SLIT3: variants seen among roughly 807,000 people sequenced by gnomAD.
The protein encoded by SLIT3 is slit homolog 3 protein.
Under a neutral mutation model 184.0 loss-of-function variants are expected in SLIT3, and 68 were observed. That is an observed-to-expected ratio of 0.37 (90% CI 0.30 to 0.45). SLIT3 has a LOEUF of 0.45. Among genes scored for constraint, SLIT3 ranks in the 20% least tolerant of loss-of-function variants. The pLI is 1.00. For missense variants in SLIT3, 1,707 were observed against 2,026.0 expected, an observed-to-expected ratio of 0.84 and a Z score of 3.02; for synonymous variants, 831 against 828.6, an observed-to-expected ratio of 1.00 and a Z score of -0.05.
In SLIT3 at chr5:169,184,577, GAC is replaced by G. The variant is rs1299255114; in HGVS notation, c.413+8900_413+8901del. ...TGTTTCTTAAAGTATGCCCCTAAGT[GAC>G]ACACAACAAAATCACCTAGGGTGCC... On this transcript the variant is annotated intron_variant, in intron 4 of 35. Transcript: ENST00000519560. Among the ~76,000 whole-genome samples the G allele has an allele frequency of 3.9e-5, 6 of 152,296 alleles. No individual in the cohort carries two copies. The East Asian group carries it at 1.2e-3, about 29-fold the overall frequency.
chr5:169,101,876 C>G (rs1412499608), intron 4 of SLIT3, among the ~76,000 whole-genome samples: 2 of 152,198 alleles, frequency 1.3e-5, no homozygotes, highest in African/African-American at 4.8e-5. Flanking sequence ...CTTCAAGACT[C>G]AGCTCAAGGA....
chr5:168,864,342 T>C (rs1360751185), intron 5 of SLIT3, among the ~76,000 whole-genome samples: 1 of 152,350 alleles, frequency 6.6e-6, no homozygotes. Context: ...AACCTCATTC[T>C]TTATAACTAC....
intron 30 of SLIT3, 62 bp downstream of exon 30, chr5:168,686,917 C>A: frequency 6.3e-7 from 1 of 1,586,672 alleles, no homozygotes; most frequent in South Asian, 1.1e-5. Context: ...CTTAGCCAGT[C>A]AGCCCCAGCC....
At chr5:168,884,549 G>GATATATATATATGTATATATATATATAT (rs1760106801) in intron 4 of SLIT3, among the ~76,000 whole-genome samples, 1 of 41,138 alleles carries the variant, frequency 2.4e-5, no homozygotes, top group East Asian at 9.1e-4. Flanking sequence ...CCAATTACGA[G>GATATATATATATGTATATATATATATAT]ATATATATAT....
chr5:169,214,347 G>A (rs1434007521), intron 3 of SLIT3, among the ~76,000 whole-genome samples: 1 of 152,204 alleles, frequency 6.6e-6, no homozygotes, highest in Non-Finnish European at 1.5e-5. Flanking sequence ...GTGTGAGGCA[G>A]TAATTATAAC....
intron 30 of SLIT3, 90 bp from the exon 31 acceptor site, chr5:168,686,017 G>C: frequency 7.2e-7 from 1 of 1,390,316 alleles, no homozygotes; most frequent in South Asian, 1.6e-5. Context: ...CTCGAGCAGA[G>C]AGGTAGAGTG....
chr5:168,736,782 G>C (rs1763451357), intron 20 of SLIT3, among the ~76,000 whole-genome samples: 1 of 152,228 alleles, frequency 6.6e-6, no homozygotes, highest in South Asian at 2.1e-4. Flanking sequence ...CAGCAAGCCA[G>C]GCCACTGGGC....
intron 4 of SLIT3, among the ~76,000 whole-genome samples, chr5:169,089,141 T>G (rs1759469104): frequency 6.7e-6 from 1 of 148,520 alleles, no homozygotes; most frequent in Non-Finnish European, 1.5e-5. Flanking sequence ...GCAGCAGCCC[T>G]GTACCGCTAT....
chr5:168,753,056 G>A lies in SLIT3; in HGVS notation c.1872C>T (p.Thr624=), dbSNP rs1387575199. 2 of 1,614,148 alleles carry A rather than the reference G, an allele frequency of 1.2e-6. No individual in the cohort carries two copies. The highest frequency in any genetic ancestry group is 8.5e-7 in the Non-Finnish European group (1 of 1,180,016). Reference sequence around the variant, plus strand: ...GTCTCACCGAACTCAGGCCGGCAAAGGTGTCATTACTCACACAGCCGATCA... The same window carrying A: ...GTCTCACCGAACTCAGGCCGGCAAAAGTGTCATTACTCACACAGCCGATCA... The part of the protein sequence containing the change: ...SNLIGCVSND[T]FAGLSSVRLL... The change falls in exon 18 of 36, where the codon ACC becomes ACT. Residue 624 remains threonine (T), a synonymous_variant. Transcript: ENST00000519560.
intron 4 of SLIT3, among the ~76,000 whole-genome samples, chr5:169,007,311 C>T (rs1267618133): frequency 6.6e-6 from 1 of 152,186 alleles, no homozygotes; most frequent in African/African-American, 2.4e-5. Flanking sequence ...CAGACTAATA[C>T]AACCTGTATA....
At chr5:169,191,660 C>T (rs1763555145) in intron 4 of SLIT3, among the ~76,000 whole-genome samples, 1 of 152,172 alleles carries the variant, frequency 6.6e-6, no homozygotes, top group African/African-American at 2.4e-5. Flanking sequence ...CTCTCTCAAG[C>T]TCTCAGGACG....
intron 4 of SLIT3, among the ~76,000 whole-genome samples, chr5:169,177,647 G>A (rs112018305): frequency 2.0e-5 from 3 of 152,144 alleles, no homozygotes; most frequent in African/African-American, 7.2e-5. Flanking sequence ...AAATACAAAG[G>A]CTCCTTATAA....
At chr5:168,690,042 A>T (rs115405687) in intron 29 of SLIT3, among the ~76,000 whole-genome samples, 1 of 152,162 alleles carries the variant, frequency 6.6e-6, no homozygotes, top group African/African-American at 2.4e-5. Flanking sequence ...GTTTCTAGGA[A>T]TAAGTTCTGG....
At chr5:169,021,403 T>C (rs1212922883) in intron 4 of SLIT3, among the ~76,000 whole-genome samples, 2 of 152,014 alleles carry the variant, frequency 1.3e-5, no homozygotes, top group Non-Finnish European at 2.9e-5. Flanking sequence ...CAGGCTGGAG[T>C]GCAGTGATAT....
intron 4 of SLIT3, among the ~76,000 whole-genome samples, chr5:168,996,643 T>C (rs1386534779): frequency 6.6e-6 from 1 of 152,184 alleles, no homozygotes; most frequent in East Asian, 1.9e-4. Context: ...CTTGTAGACA[T>C]TTCACTGATG....
intron 5 of SLIT3, among the ~76,000 whole-genome samples, chr5:168,866,604 C>T (rs1036665803): frequency 1.3e-5 from 2 of 152,086 alleles, no homozygotes; most frequent in Non-Finnish European, 2.9e-5. Context: ...TATTCTCAGG[C>T]CTCTTCACTC....
chr5:169,128,075 A>T (rs1761148888), intron 4 of SLIT3, among the ~76,000 whole-genome samples: 2 of 151,922 alleles, frequency 1.3e-5, no homozygotes, highest in African/African-American at 4.8e-5. Context: ...ACTGTTATTT[A>T]TTTAATAATT....
chr5:168,834,686 C>CAAAAAAAA lies in SLIT3; in HGVS notation c.557+9890_557+9897dup, dbSNP rs540528948. Among the ~76,000 whole-genome samples the CAAAAAAAA allele has an allele frequency of 2.1e-4, 8 of 37,426 alleles. 1 individual carries two copies. Among genetic ancestry groups the CAAAAAAAA allele is most frequent in the African/African-American group, 7.2e-4 (7 of 9,672 alleles). The allele number at this position is 37,426 out of a possible 152,430, so 24.6% of individuals were successfully genotyped here. ...TGGGACACACAGCGAGACTCTGTCT[C>CAAAAAAAA]AAAAAAAAAAAAAAAAAAAAAAAAA... On this transcript the variant is annotated intron_variant, in intron 6 of 35. Transcript: ENST00000519560.
chr5:169,087,669 T>G (rs1479070280), intron 4 of SLIT3, among the ~76,000 whole-genome samples: 2 of 152,238 alleles, frequency 1.3e-5, no homozygotes, highest in Admixed American at 1.3e-4. Flanking sequence ...GTATGTTTTT[T>G]GTTAAATGAA....
Sources: gnomAD v4.1 joint callset for allele counts (sites outside exome capture counted in the v4.1 genomes callset) on GRCh38, gnomAD v4.1.1 for gene constraint, MANE v1.5 for transcripts, NCBI Gene and HGNC (gene_info 2026-07-23, HGNC 2026-07-21) for gene names.